The following FTCD variants were observed in gnomAD, a reference collection of about 807,000 sequenced individuals.
FTCD encodes the protein formimidoyltransferase cyclodeaminase.
FTCD carries 76 observed loss-of-function variants against 62.9 expected under a neutral mutation model. The ratio of observed to expected loss-of-function variants is 1.21; its 90% confidence interval spans 1.00 to 1.46. FTCD has a LOEUF of 1.46. Ranked by LOEUF, FTCD falls within the 40% of genes most tolerant of loss-of-function variation. The pLI, the probability that FTCD is intolerant of heterozygous loss-of-function variation, is 0.00. For synonymous variants in FTCD, 397 were observed against 336.9 expected, an observed-to-expected ratio of 1.18 and a Z score of -1.95; for missense variants, 845 against 751.3, an observed-to-expected ratio of 1.12 and a Z score of -1.46.
At chr21:46,152,607 A>G (rs892298344) in intron 3 of FTCD, 2 of 320,048 alleles carry the variant, frequency 6.2e-6, no homozygotes, top group African/African-American at 4.3e-5. Flanking sequence ...CATTTTCTTG[A>G]TTTAGTTAAT....
In FTCD at chr21:46,151,939, T is replaced by G. The variant is rs765555719; in HGVS notation, c.409A>C (p.Thr137Pro). 1 of 1,572,784 alleles carries G rather than the reference T, an allele frequency of 6.4e-7. No homozygotes were observed. The highest frequency in any genetic ancestry group is 1.2e-5 in the South Asian group (1 of 86,214). Residue 137 changes from threonine to proline, a missense_variant, in exon 4 of 14, where the codon ACC (threonine) becomes CCC (proline). Coordinates refer to ENST00000397746, the MANE Select transcript of FTCD (RefSeq NM_206965.2). ...TCCCCGGCCCGGATGGCCGGCAGGG[T>G]CCGGCGACTGTCCATCCTGGCTGCC... ...GEAARMDSRR[T>P]LPAIRAGEYE...
intron 10 of FTCD, among the ~76,000 whole-genome samples, chr21:46,145,071 G>A (rs2079108707): frequency 6.6e-6 from 1 of 151,136 alleles, no homozygotes; most frequent in South Asian, 2.1e-4. Flanking sequence ...TGGAATTGCA[G>A]GCTTCTAAAG....
chr21:46,146,248 G>A lies in FTCD; in HGVS notation c.968+18C>T, dbSNP rs757119136. 2.6e-6 allele frequency: 4 copies of A among 1,567,142 alleles called. No individual in the cohort carries two copies. The highest frequency in any genetic ancestry group is 4.5e-5 in the East Asian group (2 of 44,034). Reference sequence around the variant, plus strand: ...AGCCCGGGAGGGGTGAGAAGAGGGCGGGAGGGCAGAGGCTCACTCGATGAT... The same window carrying A: ...AGCCCGGGAGGGGTGAGAAGAGGGCAGGAGGGCAGAGGCTCACTCGATGAT... On this transcript the variant is annotated intron_variant, in intron 8 of 13. Coordinates refer to ENST00000397746, the MANE Select transcript of FTCD (RefSeq NM_206965.2).
chr21:46,154,084 C>G, intron 2 of FTCD, 65 bp downstream of exon 2: 1 of 1,553,612 alleles, frequency 6.4e-7, no homozygotes, highest in Non-Finnish European at 8.9e-7. Flanking sequence ...TCCCAGGACA[C>G]CAGGACAGGG....
rs188377424 is a variant in FTCD at position 46,138,560 on chromosome 21, G to T, written c.1391C>A (p.Ala464Asp). 2.0e-5 allele frequency: 32 copies of T among 1,585,218 alleles called. No homozygotes were observed. Among genetic ancestry groups the T allele is most frequent in the Non-Finnish European group, 2.2e-5 (26 of 1,173,108 alleles). ...LAETVASLWP[A>D]LQELARCGNL... The stretch of plus-strand genomic sequence containing the variant: ...CCCACACCGGGCCAGTTCCTGCAGG[G>T]CCGGCCACAGCGAGGCCACCGTCTC... Residue 464 changes from alanine (A) to aspartate (D), a missense_variant, in exon 12 of 14, where the codon GCC becomes GAC. Physicochemically the swap from Ala to Asp is moderately radical, Grantham distance 126. Coordinates refer to ENST00000397746, the MANE Select transcript of FTCD (RefSeq NM_206965.2).
rs749894973 is a variant in FTCD at position 46,152,984 on chromosome 21, C to T, written c.290G>A (p.Arg97Lys). 169 of 1,553,376 alleles carry T rather than the reference C, an allele frequency of 1.1e-4. No homozygotes were observed. The highest frequency in any genetic ancestry group is 1.7e-4 in the Middle Eastern group (1 of 5,982). ...ALDVCPFIPV[R>K]GVSVDECVLC... ...CACACACTCATCCACGCTGACGCCC[C>T]TCACGGGGATGAAGGGGCAGACGTC... The change falls in exon 3 of 14, where the codon AGG becomes AAG. Residue 97 changes from arginine (R) to lysine (K), a missense_variant. Arg to Lys is a conservative substitution (Grantham distance 26). Transcript: ENST00000397746.
Position 46,136,858 on chromosome 21 carries a change from G to A in FTCD, c.*129C>T, listed in dbSNP as rs754254055. 7 of 1,555,334 alleles carry A rather than the reference G, an allele frequency of 4.5e-6. No homozygotes were observed. The highest frequency in any genetic ancestry group is 5.2e-6 in the Non-Finnish European group (6 of 1,150,000). On this transcript the variant is annotated 3_prime_UTR_variant, in exon 14 of 14. Coordinates refer to ENST00000397746, the MANE Select transcript of FTCD (RefSeq NM_206965.2). ...GCCAGCGCCTCCATTCCCAGGCGAT[G>A]CCCCGCTGCCTGCCCACCTACCCTC...
intron 4 of FTCD, 66 bp from the exon 5 acceptor site, chr21:46,151,803 G>A: frequency 5.0e-6 from 8 of 1,593,322 alleles, no homozygotes; most frequent in Non-Finnish European, 6.8e-6. Flanking sequence ...CGGGGTCCCG[G>A]GAAGGAGGGG....
intron 10 of FTCD, 123 bp downstream of exon 10, chr21:46,145,294 C>G: frequency 1.3e-6 from 1 of 790,256 alleles, no homozygotes; most frequent in Non-Finnish European, 2.0e-6. Context: ...GTGGTGACGC[C>G]CTCAGGCCCC....
Position 46,145,957 on chromosome 21 carries a change from G to A in FTCD, c.969-10C>T, listed in dbSNP as rs1226576553. On this transcript the variant is annotated splice_polypyrimidine_tract_variant and intron_variant, in intron 8 of 13. Transcript: ENST00000397746. ...CTCAGGGACCAGGTACCTGCAGGGT[G>A]GGCGCGGCTCAGCGGGTCTGGCCGG... is the stretch of plus-strand genomic sequence containing the variant. The A allele has an allele frequency of 6.8e-7, 1 of 1,473,798 alleles. No homozygotes were observed. Among genetic ancestry groups the A allele is most frequent in the African/African-American group, 1.5e-5 (1 of 68,592 alleles). The allele number at this position is 1,473,798 out of a possible 1,614,324, so 91.3% of individuals were successfully genotyped here.
At chr21:46,150,339 G>A (rs1168713757) in intron 6 of FTCD, 49 bp downstream of exon 6, 2 of 1,611,470 alleles carry the variant, frequency 1.2e-6, no homozygotes, top group Non-Finnish European at 1.7e-6. Context: ...CTGCCCACGG[G>A]ACAGATCGGC....
At position 46,155,421 on chromosome 21, in the gene FTCD, C is replaced by T. The variant is rs1045059012; in HGVS notation, c.54+49G>A. ...CTCCATGGCCTGGGCCTTAGCCACTCAAGCTGCCCCATCAGCCCTAGATGC... is the reference window on the plus strand; with the variant it reads ...CTCCATGGCCTGGGCCTTAGCCACTTAAGCTGCCCCATCAGCCCTAGATGC... On this transcript the variant is annotated intron_variant, in intron 1 of 13. Coordinates refer to ENST00000397746, the MANE Select transcript of FTCD (RefSeq NM_206965.2). 5.3e-6 allele frequency: 8 copies of T among 1,497,386 alleles called. No homozygotes were observed. In the African/African-American group the frequency reaches 1.1e-4, roughly 21 times the overall value. 92.8% of individuals were successfully genotyped at this position (1,497,386 alleles called of 1,614,324 possible). A position where few individuals can be genotyped will look rare whatever the true frequency, so the allele number is the denominator to read the frequency against.
chr21:46,145,703 C>A, intron 9 of FTCD, 115 bp downstream of exon 9: 1 of 706,438 alleles, frequency 1.4e-6, no homozygotes, highest in South Asian at 2.0e-5. Context: ...CGTCTCCACC[C>A]AGGGCGGCCC....
chr21:46,148,428 C>A (rs758989874), intron 7 of FTCD, among the ~76,000 whole-genome samples: 14 of 152,134 alleles, frequency 9.2e-5, no homozygotes, highest in Non-Finnish European at 1.6e-4. Flanking sequence ...AGTTTGAGAC[C>A]AGCCTGGGCA....
chr21:46,151,388 G>T (rs985336977), intron 5 of FTCD, among the ~76,000 whole-genome samples, 170 bp downstream of exon 5: 1 of 152,226 alleles, frequency 6.6e-6, no homozygotes, highest in African/African-American at 2.4e-5. Context: ...GCCGACCTGC[G>T]CGGTCCCCGC....
intron 7 of FTCD, among the ~76,000 whole-genome samples, chr21:46,148,469 G>T (rs1251806774): frequency 1.3e-5 from 2 of 152,172 alleles, no homozygotes; most frequent in East Asian, 3.9e-4. Flanking sequence ...TACAAAATTA[G>T]CCAGGACTAC....
At chr21:46,146,454 G>A (rs2079149992) in intron 7 of FTCD, 127 bp from the exon 8 acceptor site, 4 of 723,128 alleles carry the variant, frequency 5.5e-6, no homozygotes, top group South Asian at 1.5e-5. Context: ...CTTTTGCGGG[G>A]AGCAGGGCAG....
chr21:46,136,390 A>G (rs2123470761), downstream of FTCD: 1 of 1,564,658 alleles, frequency 6.4e-7, no homozygotes, highest in South Asian at 1.1e-5. Flanking sequence ...AACTGAGGAC[A>G]GGGCCAGTAC....
chr21:46,136,703 T>C (rs1019150208), downstream of FTCD: 21 of 1,470,644 alleles, frequency 1.4e-5, no homozygotes, highest in South Asian at 7.0e-5. Context: ...CCACTGACCA[T>C]ATGTCCTGCT....
Sources: allele counts gnomAD v4.1 joint callset (sites outside exome capture counted in the v4.1 genomes callset), GRCh38; gene constraint gnomAD v4.1.1; transcripts MANE v1.5; gene names NCBI Gene and HGNC (gene_info 2026-07-23, HGNC 2026-07-21).